Variants in LALBA observed in about 807,000 individuals in gnomAD.
The protein encoded by LALBA is lactalbumin alpha, also known as alpha-lactalbumin.
A neutral mutation model predicts 13.4 loss-of-function variants in LALBA; 12 were observed. The observed-to-expected ratio is 0.89, with a 90% CI of 0.57 to 1.45. LALBA has a LOEUF of 1.45. Ranked by LOEUF, LALBA falls within the 40% of genes most tolerant of loss-of-function variation. The pLI is 0.00. For synonymous variants in LALBA, 64 were observed against 61.0 expected (o/e 1.05, Z -0.23); for missense variants, 145 against 165.9 (o/e 0.87, Z 0.69).
intron 2 of LALBA, 21 bp downstream of exon 2, chr12:48,569,061 A>G (rs1206981645): frequency 6.3e-7 from 1 of 1,575,508 alleles, no homozygotes; most frequent in African/African-American, 1.4e-5. Context: ...ACAGAGAAAG[A>G]GGGTTATAGG....
chr12:48,571,681 G>A (rs754958449), upstream of LALBA, among the ~76,000 whole-genome samples: 1 of 152,092 alleles, frequency 6.6e-6, no homozygotes, highest in Non-Finnish European at 1.5e-5. Flanking sequence ...AGGAGCCGCT[G>A]CGCTGTTTCT....
At chr12:48,570,981 T>TAAAAAAAAAAAAA (rs35399476), upstream of LALBA, among the ~76,000 whole-genome samples, 1 of 116,272 alleles carries the variant, frequency 8.6e-6, no homozygotes. Flanking sequence ...ACCCTATCTT[T>TAAAAAAAAAAAAA]AAAAAAAAAA....
intron 2 of LALBA, 74 bp from the exon 3 acceptor site, chr12:48,568,666 C>G: frequency 1.1e-6 from 1 of 871,872 alleles, no homozygotes; most frequent in Admixed American, 2.3e-5. Flanking sequence ...TTCCCCTAAC[C>G]CCTGGATCCA....
chr12:48,567,777 A>G lies in LALBA; in HGVS notation c.*180T>C. On this transcript the variant is annotated 3_prime_UTR_variant, in exon 4 of 4. Coordinates refer to ENST00000301046, the MANE Select transcript of LALBA (RefSeq NM_002289.3). ...GGCACTGAGTAAGGGTCTAGAGCTC[A>G]GTGCACCACTCAGGCATCCCTGGAA... is the stretch of plus-strand genomic sequence containing the variant. 1.7e-6 allele frequency: 1 copy of G among 601,758 alleles called. No homozygotes were observed. The highest frequency in any genetic ancestry group is 3.0e-6 in the Non-Finnish European group (1 of 331,766). 37.3% of individuals were successfully genotyped at this position (601,758 alleles called of 1,614,324 possible).
At position 48,569,989 on chromosome 12, in the gene LALBA, C is replaced by T. The variant is rs747113532; in HGVS notation, c.32G>A (p.Gly11Asp). Residue 11 changes from glycine (G) to aspartate (D), a missense_variant, in exon 1 of 4, where the codon GGC becomes GAC. Coordinates refer to ENST00000301046, the MANE Select transcript of LALBA (RefSeq NM_002289.3). The stretch of plus-strand genomic sequence containing the variant: ...GGCCAGGATGGCAGGGAACAGGATG[C>T]CCACCAGGAACAGAGGGACAAAGAA... MRFFVPLFLV[G>D]ILFPAILAKQ... The T allele has an allele frequency of 6.2e-7, 1 of 1,613,986 alleles. No homozygotes were observed. The highest frequency in any genetic ancestry group is 1.1e-5 in the South Asian group (1 of 91,056).
intron 1 of LALBA, 115 bp downstream of exon 1, chr12:48,569,773 A>G: frequency 1.1e-6 from 1 of 906,790 alleles, no homozygotes; most frequent in Non-Finnish European, 1.7e-6. Context: ...GCAAATGAGC[A>G]GAAAAGAGGA....
intron 2 of LALBA, 126 bp from the exon 3 acceptor site, chr12:48,568,718 A>G (rs1938596295): frequency 3.1e-6 from 2 of 636,278 alleles, no homozygotes; most frequent in Non-Finnish European, 5.5e-6. Flanking sequence ...TTGTCTTTCT[A>G]TATGAAAGGA....
intron 2 of LALBA, among the ~76,000 whole-genome samples, chr12:48,568,812 T>G (rs1565588371): frequency 6.6e-6 from 1 of 152,238 alleles, no homozygotes; most frequent in Non-Finnish European, 1.5e-5. Flanking sequence ...CTTCATCAAC[T>G]GACTTACCCT....
chr12:48,568,104 C>T (rs1026531336), intron 3 of LALBA, 87 bp from the exon 4 acceptor site: 11 of 1,022,294 alleles, frequency 1.1e-5, no homozygotes, highest in Admixed American at 4.0e-5. Context: ...AGAGCGTGGA[C>T]GAGAATTACA....
At chr12:48,568,102 G>T in intron 3 of LALBA, 85 bp from the exon 4 acceptor site, 2 of 1,042,274 alleles carry the variant, frequency 1.9e-6, no homozygotes, top group Non-Finnish European at 2.9e-6. Context: ...GAAGAGCGTG[G>T]ACGAGAATTA....
chr12:48,568,865 G>A (rs571271938), intron 2 of LALBA, among the ~76,000 whole-genome samples: 24 of 152,132 alleles, frequency 1.6e-4, no homozygotes, highest in Non-Finnish European at 3.1e-4. Context: ...AGACAGCTCC[G>A]ATTGTCTACC....
At chr12:48,570,367 G>T (rs1438959278), upstream of LALBA, among the ~76,000 whole-genome samples, 1 of 152,100 alleles carries the variant, frequency 6.6e-6, no homozygotes, top group Non-Finnish European at 1.5e-5. Context: ...ACAAAGAAGG[G>T]CATGGGGGCA....
At position 48,568,009 on chromosome 12, in the gene LALBA, T is replaced by A. The variant is rs1258916795; in HGVS notation, c.377A>T (p.His126Leu). 1 of 1,598,064 alleles carries A rather than the reference T, an allele frequency of 6.3e-7. No homozygotes were observed. The change falls in exon 4 of 4, where the codon CAT becomes CTT. Residue 126 changes from histidine to leucine, a missense_variant. Transcript: ENST00000301046. ...CAGCTTCTCAGTGCAGAGGGCTTTA[T>A]GGGCCAACCTGATAATGGAGAAGGG... ...DIKGIDYWLA[H>L]KALCTEKLEQ...
chr12:48,571,056 A>G (rs1401207506), upstream of LALBA, among the ~76,000 whole-genome samples: 1 of 151,474 alleles, frequency 6.6e-6, no homozygotes, highest in Admixed American at 6.6e-5. Flanking sequence ...AACCACTCCT[A>G]CCGTAAATAA....
chr12:48,568,494 T>C (rs1486629813), intron 3 of LALBA, 23 bp downstream of exon 3: 1 of 1,371,926 alleles, frequency 7.3e-7, no homozygotes, highest in Non-Finnish European at 1.0e-6. Context: ...GATGGGGAAA[T>C]AGAAAATAGA....
In LALBA at chr12:48,569,254, GAGAA is replaced by G. The variant is rs1565588541; in HGVS notation, c.134-18_134-15del. ...TGGTACAGATCACTGAGGGAAAGATGAGAAAGAGATACCACAGAGATGTACAGGA... is the reference window on the plus strand; with the variant it reads ...TGGTACAGATCACTGAGGGAAAGATGAGAGATACCACAGAGATGTACAGGA... On this transcript the variant is annotated splice_polypyrimidine_tract_variant and intron_variant, in intron 1 of 3. Transcript: ENST00000301046. 1.9e-6 allele frequency: 3 copies of G among 1,603,060 alleles called. No individual in the cohort carries two copies. Among genetic ancestry groups the G allele is most frequent in the Non-Finnish European group, 1.7e-6 (2 of 1,172,372 alleles).
chr12:48,569,698 A>C (rs1938609461), intron 1 of LALBA, among the ~76,000 whole-genome samples, 190 bp downstream of exon 1: 1 of 152,142 alleles, frequency 6.6e-6, no homozygotes, highest in Admixed American at 6.5e-5. Context: ...GGGCAACAAG[A>C]GCGAAACTCC....
upstream of LALBA, among the ~76,000 whole-genome samples, chr12:48,570,618 T>C (rs1938621416): frequency 6.6e-6 from 1 of 152,280 alleles, no homozygotes; most frequent in African/African-American, 2.4e-5. Flanking sequence ...GAACGTAGAC[T>C]ACAACAATCC....
Position 48,570,032 on chromosome 12 carries a change from C to T in LALBA, c.-12G>A, listed in dbSNP as rs750089094. On this transcript the variant is annotated 5_prime_UTR_variant, in exon 1 of 4. Transcript: ENST00000301046. ...ACAAAGAACCTCATTTTGGCTACCC[C>T]CAAGAACCTGAAATGGAAGCATCAC... 8 of 1,613,458 alleles carry T rather than the reference C, an allele frequency of 5.0e-6. No homozygotes were observed. Among genetic ancestry groups the T allele is most frequent in the Non-Finnish European group, 6.8e-6 (8 of 1,179,842 alleles).
Sources: allele counts gnomAD v4.1 joint callset (sites outside exome capture counted in the v4.1 genomes callset), GRCh38; gene constraint gnomAD v4.1.1; transcripts MANE v1.5; gene names NCBI Gene and HGNC (gene_info 2026-07-23, HGNC 2026-07-21).